Variants in EDIL3 observed in about 807,000 individuals in gnomAD.
EDIL3 encodes the protein EGF-like repeat and discoidin I-like domain-containing protein 3.
In EDIL3, 37 loss-of-function variants were observed where a neutral mutation model predicts 67.4. That is an observed-to-expected ratio of 0.55 (90% confidence interval 0.42 to 0.72). The LOEUF is 0.72. Among genes scored for constraint, EDIL3 ranks in the 30% least tolerant of loss-of-function variants. EDIL3 has a pLI of 0.00. For missense variants in EDIL3, 527 were observed against 586.3 expected (o/e 0.90, Z 1.04); for synonymous variants, 195 against 196.3 (o/e 0.99, Z 0.05).
rs531615139 is a variant in EDIL3 at position 84,343,582 on chromosome 5, T to C, written c.67+40726A>G. ...AACTGAGAATTAATGAGTGATATAA[T>C]ATCTCCATGAGAACTCCTTACCCTG... On this transcript the variant is annotated intron_variant, in intron 1 of 10. Coordinates refer to ENST00000296591, the MANE Select transcript of EDIL3 (RefSeq NM_005711.5). Among the ~76,000 whole-genome samples, 5 of 152,218 alleles carry C rather than the reference T, an allele frequency of 3.3e-5. No individual in the cohort carries two copies. In the South Asian group the frequency reaches 1.0e-3, roughly 32 times the overall value.
At chr5:84,092,055 C>A (rs766582661) in intron 6 of EDIL3, among the ~76,000 whole-genome samples, 1 of 152,036 alleles carries the variant, frequency 6.6e-6, no homozygotes, top group Non-Finnish European at 1.5e-5. Flanking sequence ...CTCCTTTAGT[C>A]CTAAGTGCCA....
intron 1 of EDIL3, among the ~76,000 whole-genome samples, chr5:84,354,550 G>A (rs1229475883): frequency 3.3e-5 from 5 of 151,426 alleles, no homozygotes; most frequent in African/African-American, 7.3e-5. Flanking sequence ...CCAGCTACTC[G>A]GGAAGCTGAG....
At chr5:84,017,118 T>C (rs1467249923) in intron 9 of EDIL3, among the ~76,000 whole-genome samples, 1 of 152,220 alleles carries the variant, frequency 6.6e-6, no homozygotes, top group African/African-American at 2.4e-5. Flanking sequence ...ATGCAGAAAG[T>C]GCTTAATAAA....
chr5:84,365,987 A>G (rs1468066180), intron 1 of EDIL3, among the ~76,000 whole-genome samples: 2 of 152,190 alleles, frequency 1.3e-5, no homozygotes, highest in Non-Finnish European at 2.9e-5. Context: ...GGGCAAATAA[A>G]TGTTTCATCC....
chr5:84,384,259 G>T, intron 1 of EDIL3, 49 bp downstream of exon 1: 1 of 1,584,382 alleles, frequency 6.3e-7, no homozygotes, highest in African/African-American at 1.4e-5. Flanking sequence ...GTTTCTCAGG[G>T]GACTCCCAGC....
At chr5:84,042,376 G>A (rs62364192) in intron 9 of EDIL3, among the ~76,000 whole-genome samples, 4,140 of 151,954 alleles carry the variant, frequency 0.027, 91 homozygotes, top group Non-Finnish European at 0.044. Context: ...CTGCCTTCTG[G>A]GTTCAAGTGA....
At chr5:84,302,677 C>T (rs1031512145) in intron 1 of EDIL3, among the ~76,000 whole-genome samples, 3 of 152,170 alleles carry the variant, frequency 2.0e-5, no homozygotes, top group Non-Finnish European at 4.4e-5. Flanking sequence ...CCAAAAATGT[C>T]CATGAAATGT....
intron 6 of EDIL3, among the ~76,000 whole-genome samples, chr5:84,092,144 C>CTA (rs1158066396): frequency 1.3e-5 from 2 of 152,090 alleles, no homozygotes; most frequent in Non-Finnish European, 2.9e-5. Context: ...GTGAATTTGC[C>CTA]ATGAATGTGA....
intron 2 of EDIL3, among the ~76,000 whole-genome samples, chr5:84,236,974 G>A (rs556163315): frequency 6.6e-6 from 1 of 152,066 alleles, no homozygotes; most frequent in South Asian, 2.1e-4. Flanking sequence ...ACAGGAAAGA[G>A]AGAATCATTA....
rs393110 is a variant in EDIL3, at chr5:84,022,223, T to A, written c.1137+38077A>T. On this transcript the variant is annotated intron_variant, in intron 9 of 10. Transcript: ENST00000296591. The stretch of plus-strand genomic sequence containing the variant: ...CAAAAATACAATACACCATAACCAA[T>A]TGAGATTTATACCAGGGATGCAAAG... Among the ~76,000 whole-genome samples, 2 of 151,772 alleles carry A rather than the reference T, an allele frequency of 1.3e-5. 1 individual carries two copies. Among genetic ancestry groups the A allele is most frequent in the South Asian group, 4.1e-4 (2 of 4,828 alleles).
At chr5:84,132,752 T>A (rs888322761) in intron 5 of EDIL3, among the ~76,000 whole-genome samples, 2 of 150,368 alleles carry the variant, frequency 1.3e-5, no homozygotes, top group Non-Finnish European at 3.0e-5. Context: ...TATTCATAGG[T>A]ATTATTTTAA....
chr5:84,383,479 T>A (rs1201206959), intron 1 of EDIL3, among the ~76,000 whole-genome samples: 1 of 152,236 alleles, frequency 6.6e-6, no homozygotes, highest in Admixed American at 6.5e-5. Flanking sequence ...TTGATTTTTA[T>A]TTTTCTGTTT....
At chr5:84,335,017 G>A (rs1056238494) in intron 1 of EDIL3, among the ~76,000 whole-genome samples, 1 of 151,914 alleles carries the variant, frequency 6.6e-6, no homozygotes, top group African/African-American at 2.4e-5. Flanking sequence ...ATTCCAAATT[G>A]CCTGTAGTGC....
At chr5:84,060,532 G>A (rs1170357711) in intron 8 of EDIL3, 48 bp from the exon 9 acceptor site, 1 of 1,598,828 alleles carries the variant, frequency 6.3e-7, no homozygotes, top group Non-Finnish European at 8.5e-7. Context: ...TTGATCACCT[G>A]GAACTTTTCT....
intron 4 of EDIL3, among the ~76,000 whole-genome samples, chr5:84,166,087 T>A (rs1748698532): frequency 2.0e-5 from 3 of 152,148 alleles, no homozygotes; most frequent in Admixed American, 2.0e-4. Flanking sequence ...AAGTGATTGA[T>A]TTAAACAATC....
At chr5:84,086,382 G>A (rs1280742958) in intron 6 of EDIL3, among the ~76,000 whole-genome samples, 1 of 152,124 alleles carries the variant, frequency 6.6e-6, no homozygotes, top group African/African-American at 2.4e-5. Flanking sequence ...AGTCCTTCAC[G>A]GCTTCCCTTG....
At chr5:84,225,141 T>C (rs1474186740) in intron 3 of EDIL3, among the ~76,000 whole-genome samples, 2 of 151,640 alleles carry the variant, frequency 1.3e-5, no homozygotes, top group Non-Finnish European at 3.0e-5. Context: ...TTATGAAATA[T>C]GGTCTTTTAG....
intron 1 of EDIL3, among the ~76,000 whole-genome samples, chr5:84,329,662 C>T (rs1018094138): frequency 2.6e-5 from 4 of 152,006 alleles, no homozygotes; most frequent in Non-Finnish European, 5.9e-5. Flanking sequence ...TATTTTGCTT[C>T]TTCGTTCTAC....
chr5:84,164,087 T>G, intron 4 of EDIL3, among the ~76,000 whole-genome samples: 1 of 152,228 alleles, frequency 6.6e-6, no homozygotes, highest in Admixed American at 6.6e-5. Context: ...CAGATACAAC[T>G]GAGAGGGATC....
Sources: gnomAD v4.1 joint callset for allele counts (sites outside exome capture counted in the v4.1 genomes callset) on GRCh38, gnomAD v4.1.1 for gene constraint, MANE v1.5 for transcripts, NCBI Gene and HGNC (gene_info 2026-07-23, HGNC 2026-07-21) for gene names.